The following PRKD1 variants were observed in gnomAD, a reference collection of about 807,000 sequenced individuals.
The protein encoded by PRKD1 is serine/threonine-protein kinase D1.
In PRKD1, 63 loss-of-function variants were observed where a neutral mutation model predicts 95.9. The observed-to-expected ratio is 0.66, with a 90% CI of 0.54 to 0.81. The LOEUF (loss-of-function observed/expected upper bound fraction) is 0.81, where lower values mean the gene tolerates loss of function less well. Ranked by LOEUF, PRKD1 falls within the 30% of genes least tolerant of loss-of-function variation. The probability of loss-of-function intolerance (pLI) is 0.00; values close to 1 mark genes in which losing one functional copy is unlikely to be tolerated. For synonymous variants in PRKD1, 425 were observed against 423.1 expected, an observed-to-expected ratio of 1.00 and a Z score of -0.05; for missense variants, 1,048 against 1,165.3, an observed-to-expected ratio of 0.90 and a Z score of 1.47.
At chr14:29,594,249 T>C (rs563513450) in intron 16 of PRKD1, 35 of 355,722 alleles carry the variant, frequency 9.8e-5, no homozygotes, top group African/African-American at 5.3e-4. Context: ...TTGTAACTTA[T>C]AACATTTTCT....
At chr14:29,579,622 C>T (rs1663989721) in intron 16 of PRKD1, among the ~76,000 whole-genome samples, 1 of 152,138 alleles carries the variant, frequency 6.6e-6, no homozygotes, top group African/African-American at 2.4e-5. Context: ...TTCCTTCAAT[C>T]AGAATCCTTC....
intron 1 of PRKD1, among the ~76,000 whole-genome samples, chr14:29,889,436 C>G (rs561513202): frequency 6.6e-6 from 1 of 152,054 alleles, no homozygotes; most frequent in African/African-American, 2.4e-5. Context: ...TCACCTCACC[C>G]GGGGAGCAAG....
chr14:29,722,456 A>G (rs1885943780), intron 2 of PRKD1, among the ~76,000 whole-genome samples: 1 of 152,236 alleles, frequency 6.6e-6, no homozygotes. Flanking sequence ...AAAAGAATGC[A>G]TAGCAAGAAG....
chr14:29,775,884 G>T (rs1888724899), intron 1 of PRKD1, among the ~76,000 whole-genome samples: 2 of 152,132 alleles, frequency 1.3e-5, no homozygotes, highest in South Asian at 4.1e-4. Context: ...GCCTAACTGG[G>T]AGGCACCTCC....
At chr14:29,808,569 T>C (rs1007920597) in intron 1 of PRKD1, among the ~76,000 whole-genome samples, 6 of 151,622 alleles carry the variant, frequency 4.0e-5, no homozygotes, top group African/African-American at 1.5e-4. Flanking sequence ...TCAGCTAATT[T>C]TTGTATTTTT....
At chr14:29,579,457 C>T (rs1434436939) in intron 16 of PRKD1, among the ~76,000 whole-genome samples, 2 of 152,078 alleles carry the variant, frequency 1.3e-5, no homozygotes, top group Non-Finnish European at 2.9e-5. Context: ...CTTAATCAAA[C>T]AGGCAGCTGA....
At chr14:29,827,622 A>T (rs1379364993) in intron 1 of PRKD1, among the ~76,000 whole-genome samples, 1 of 152,188 alleles carries the variant, frequency 6.6e-6, no homozygotes, top group Non-Finnish European at 1.5e-5. Context: ...CAAAATTCTT[A>T]TTTTAAAAAG....
At chr14:29,785,676 G>T in intron 1 of PRKD1, among the ~76,000 whole-genome samples, 1 of 149,538 alleles carries the variant, frequency 6.7e-6, no homozygotes, top group Non-Finnish European at 1.5e-5. Flanking sequence ...CTGTTGTGGG[G>T]TGGGGGGAAG....
In PRKD1 at chr14:29,828,358, C is replaced by T. The variant is rs535455765; in HGVS notation, c.264+98891G>A. Among the ~76,000 whole-genome samples, 3 of 152,188 alleles carry T rather than the reference C, an allele frequency of 2.0e-5. No homozygotes were observed. In the South Asian group the frequency reaches 6.2e-4, roughly 32 times the overall value. On this transcript the variant is annotated intron_variant, in intron 1 of 17. Coordinates refer to ENST00000331968, the MANE Select transcript of PRKD1 (RefSeq NM_002742.3). ...GGAGAAGGTGCCAGGCTCTCTTAAACAGCCAGATCTCCTAGAGTGAGATCT... is the reference window on the plus strand; with the variant it reads ...GGAGAAGGTGCCAGGCTCTCTTAAATAGCCAGATCTCCTAGAGTGAGATCT...
chr14:29,821,450 CTATGA>C (rs1890908055), intron 1 of PRKD1, among the ~76,000 whole-genome samples: 2 of 152,042 alleles, frequency 1.3e-5, no homozygotes, highest in African/African-American at 2.4e-5. Flanking sequence ...TAGATCCTGA[CTATGA>C]TATTAGCCTG....
At chr14:29,694,960 C>T (rs927393355) in intron 2 of PRKD1, among the ~76,000 whole-genome samples, 3 of 152,112 alleles carry the variant, frequency 2.0e-5, no homozygotes, top group Admixed American at 6.5e-5. Context: ...GGGCCAGGCA[C>T]GGTGGCTCAC....
At position 29,639,048 on chromosome 14, in the gene PRKD1, A is replaced by C; in HGVS notation, c.697-144T>G. ...AAATCATACTGTATTTCTGTTAATT[A>C]ATATAATTTACTTGCCTTCCCCATT... On this transcript the variant is annotated intron_variant, in intron 4 of 17. Transcript: ENST00000331968. The C allele has an allele frequency of 4.9e-6, 3 of 616,892 alleles. No individual in the cohort carries two copies. In the South Asian group the frequency reaches 9.0e-5, roughly 18 times the overall value. The allele number at this position is 616,892 out of a possible 1,614,324, so 38.2% of individuals were successfully genotyped here.
At chr14:29,900,373 C>A (rs2139428683) in intron 1 of PRKD1, among the ~76,000 whole-genome samples, 1 of 152,254 alleles carries the variant, frequency 6.6e-6, no homozygotes, top group South Asian at 2.1e-4. Flanking sequence ...TCATTTAAAT[C>A]TCTTGGCTTT....
intron 10 of PRKD1, chr14:29,630,448 C>A (rs1416646204): frequency 6.8e-6 from 2 of 292,384 alleles, no homozygotes; most frequent in African/African-American, 2.2e-5. Context: ...CAGATTACTT[C>A]TTCTTTTATA....
At chr14:29,865,878 C>T (rs996195218) in intron 1 of PRKD1, among the ~76,000 whole-genome samples, 2 of 151,892 alleles carry the variant, frequency 1.3e-5, no homozygotes, top group African/African-American at 4.9e-5. Context: ...TTCTGCTAGT[C>T]CTGTATGTTA....
In PRKD1 at chr14:29,826,844, CATATATATATATAT is replaced by C. The variant is rs1228527833; in HGVS notation, c.264+100391_264+100404del. Among the ~76,000 whole-genome samples the C allele has an allele frequency of 2.1e-4, 6 of 28,668 alleles. No individual in the cohort carries two copies. In the Admixed American group the frequency reaches 2.3e-3, roughly 11 times the overall value. The allele number at this position is 28,668 out of a possible 152,430, so 18.8% of individuals were successfully genotyped here. On this transcript the variant is annotated intron_variant, in intron 1 of 17. Transcript: ENST00000331968. ...ATATATATATATATATATATACACA[CATATATATATATAT>C]ATATATATATATATATATGATGGAA...
At chr14:29,717,629 T>C (rs1283816492) in intron 2 of PRKD1, among the ~76,000 whole-genome samples, 1 of 152,198 alleles carries the variant, frequency 6.6e-6, no homozygotes, top group East Asian at 1.9e-4. Flanking sequence ...ACCATCACTA[T>C]TGTTATGTTA....
intron 1 of PRKD1, among the ~76,000 whole-genome samples, chr14:29,840,555 A>G (rs1352441775): frequency 6.6e-6 from 1 of 151,782 alleles, no homozygotes; most frequent in Admixed American, 6.6e-5. Flanking sequence ...CACTCCTGGT[A>G]CCAATTTACT....
At chr14:29,587,083 C>T (rs1246492956) in intron 16 of PRKD1, among the ~76,000 whole-genome samples, 1 of 152,036 alleles carries the variant, frequency 6.6e-6, no homozygotes, top group African/African-American at 2.4e-5. Context: ...CTGGGGGAGA[C>T]GTGATGATGG....
Sources: gnomAD v4.1 joint callset for allele counts (sites outside exome capture counted in the v4.1 genomes callset) on GRCh38, gnomAD v4.1.1 for gene constraint, MANE v1.5 for transcripts, NCBI Gene and HGNC (gene_info 2026-07-23, HGNC 2026-07-21) for gene names.